The following NR3C2 variants were observed in gnomAD, a reference collection of about 807,000 sequenced individuals.
NR3C2 encodes the protein nuclear receptor subfamily 3 group C member 2, also known as mineralocorticoid receptor.
In NR3C2, 15 loss-of-function variants were observed where a neutral mutation model predicts 86.4. That is an observed-to-expected ratio of 0.17 (90% CI 0.12 to 0.27). NR3C2 has a LOEUF of 0.27. Ranked by LOEUF, NR3C2 falls within the 10% of genes least tolerant of loss-of-function variation. NR3C2 has a pLI of 1.00. For missense variants in NR3C2, 960 were observed against 1,195.6 expected (o/e 0.80, Z 2.91); for synonymous variants, 458 against 450.5 (o/e 1.02, Z -0.21).
rs149999469 is a variant in NR3C2 at position 148,248,531 on chromosome 4, T to C, written c.1897+11447A>G. Among the ~76,000 whole-genome samples the C allele has an allele frequency of 5.9e-5, 9 of 152,128 alleles. No homozygotes were observed. The East Asian group carries it at 1.7e-3, about 29-fold the overall frequency. ...TTGTGATCTTCTAAATTGTTTAAGA[T>C]GCAGAAAGAGCGTGAAAACTATCTT... On this transcript the variant is annotated intron_variant, in intron 3 of 8. Transcript: ENST00000358102.
chr4:148,251,300 A>G (rs975771935), intron 3 of NR3C2, among the ~76,000 whole-genome samples: 2 of 152,116 alleles, frequency 1.3e-5, no homozygotes, highest in Non-Finnish European at 2.9e-5. Flanking sequence ...CCTCCTCTCC[A>G]TGACAACCTA....
intron 6 of NR3C2, among the ~76,000 whole-genome samples, chr4:148,122,938 G>A (rs1254774387): frequency 1.3e-5 from 2 of 152,122 alleles, no homozygotes; most frequent in African/African-American, 4.8e-5. Flanking sequence ...GGGAACAAGG[G>A]AAGACAACCA....
At chr4:148,088,250 C>G (rs1365735256) in intron 8 of NR3C2, among the ~76,000 whole-genome samples, 1 of 152,198 alleles carries the variant, frequency 6.6e-6, no homozygotes, top group African/African-American at 2.4e-5. Context: ...AATAAGAACA[C>G]TTTTATACTG....
intron 2 of NR3C2, among the ~76,000 whole-genome samples, chr4:148,391,056 T>C (rs898864657): frequency 6.6e-6 from 1 of 152,214 alleles, no homozygotes; most frequent in Non-Finnish European, 1.5e-5. Context: ...TATATACCAT[T>C]ATATTTTCTA....
At chr4:148,163,327 A>C (rs1024725871) in intron 4 of NR3C2, among the ~76,000 whole-genome samples, 1 of 152,226 alleles carries the variant, frequency 6.6e-6, no homozygotes, top group African/African-American at 2.4e-5. Context: ...GTGGCCCTAC[A>C]ATGCAAGTAA....
intron 3 of NR3C2, among the ~76,000 whole-genome samples, chr4:148,235,076 G>A (rs1237134057): frequency 6.6e-6 from 1 of 152,068 alleles, no homozygotes; most frequent in Non-Finnish European, 1.5e-5. Context: ...CCTGGTTACA[G>A]GAGGGTCCTC....
At chr4:148,262,999 G>C (rs1232019139) in intron 2 of NR3C2, among the ~76,000 whole-genome samples, 1 of 152,138 alleles carries the variant, frequency 6.6e-6, no homozygotes, top group Non-Finnish European at 1.5e-5. Context: ...CTTCCTAGCT[G>C]ATCTTCTGGT....
At chr4:148,330,909 T>C (rs965689401) in intron 2 of NR3C2, among the ~76,000 whole-genome samples, 2 of 152,190 alleles carry the variant, frequency 1.3e-5, no homozygotes, top group African/African-American at 4.8e-5. Context: ...GCTCTTGCCA[T>C]GTGACTCACC....
At chr4:148,242,041 G>A (rs928020998) in intron 3 of NR3C2, among the ~76,000 whole-genome samples, 17 of 152,242 alleles carry the variant, frequency 1.1e-4, no homozygotes, top group African/African-American at 4.1e-4. Context: ...AGGGGCTGGG[G>A]GGAAGAGGAA....
intron 2 of NR3C2, among the ~76,000 whole-genome samples, chr4:148,329,019 A>T (rs1164800280): frequency 1.3e-5 from 2 of 152,208 alleles, no homozygotes; most frequent in Admixed American, 1.3e-4. Context: ...TATTTTAAAA[A>T]CTAGAAAATA....
chr4:148,387,810 C>T (rs552387266), intron 2 of NR3C2, among the ~76,000 whole-genome samples: 46 of 152,176 alleles, frequency 3.0e-4, no homozygotes, highest in African/African-American at 1.1e-3. Context: ...TGTTGTTTTC[C>T]CAGAAGGATA....
intron 2 of NR3C2, among the ~76,000 whole-genome samples, chr4:148,349,635 G>A (rs1468042326): frequency 5.2e-5 from 1 of 19,332 alleles, no homozygotes. Context: ...AGGTTCTGGT[G>A]GTGGCTTGGG....
At chr4:148,089,086 A>G (rs1325710993) in intron 8 of NR3C2, among the ~76,000 whole-genome samples, 1 of 152,232 alleles carries the variant, frequency 6.6e-6, no homozygotes, top group Non-Finnish European at 1.5e-5. Context: ...GATTTTAAAA[A>G]ACACCCCATT....
Position 148,101,034 on chromosome 4 carries a change from G to A in NR3C2, c.2799+13070C>T, listed in dbSNP as rs569459086. Among the ~76,000 whole-genome samples, 10 of 152,318 alleles carry A rather than the reference G, an allele frequency of 6.6e-5. No individual in the cohort carries two copies. The South Asian group carries it at 1.7e-3, about 25-fold the overall frequency. Reference sequence around the variant, plus strand: ...GTCAAATTCATAGAGACAGAAAGAGGGGAAGGGGGAGTTTTAGTTTTGCAG... The same window carrying A: ...GTCAAATTCATAGAGACAGAAAGAGAGGAAGGGGGAGTTTTAGTTTTGCAG... On this transcript the variant is annotated intron_variant, in intron 8 of 8. Coordinates refer to ENST00000358102, the MANE Select transcript of NR3C2 (RefSeq NM_000901.5).
intron 2 of NR3C2, among the ~76,000 whole-genome samples, chr4:148,288,410 C>T (rs1327994053): frequency 6.6e-6 from 1 of 152,204 alleles, no homozygotes; most frequent in Non-Finnish European, 1.5e-5. Context: ...GTTCTAGGCA[C>T]CAGGGTGGAA....
At chr4:148,286,543 C>T (rs1418825486) in intron 2 of NR3C2, among the ~76,000 whole-genome samples, 1 of 152,180 alleles carries the variant, frequency 6.6e-6, no homozygotes, top group Non-Finnish European at 1.5e-5. Context: ...CCTCAACAGT[C>T]ATTCTTGGCT....
chr4:148,435,236 T>G lies in NR3C2; in HGVS notation c.1625A>C (p.Gln542Pro), dbSNP rs769506516. ...AAAGGAACTCAGGTGTTGGAAAGAT[T>G]GGTCTCTAGCCGATCGTGATAAAGA... ...TISLSRSARD[Q>P]SFQHLSSFPP... The change falls in exon 2 of 9, where the codon CAA (glutamine) becomes CCA (proline). Residue 542 changes from glutamine (Q) to proline (P), a missense_variant. Gln to Pro is a moderately conservative substitution (Grantham distance 76, BLOSUM62 -1). Coordinates refer to ENST00000358102, the MANE Select transcript of NR3C2 (RefSeq NM_000901.5). The G allele has an allele frequency of 3.7e-6, 6 of 1,614,086 alleles. No individual in the cohort carries two copies. The highest frequency in any genetic ancestry group is 5.1e-6 in the Non-Finnish European group (6 of 1,180,048).
intron 3 of NR3C2, among the ~76,000 whole-genome samples, chr4:148,224,358 C>T (rs929542896): frequency 6.6e-6 from 1 of 152,184 alleles, no homozygotes; most frequent in African/African-American, 2.4e-5. Flanking sequence ...CATGATATGA[C>T]ATTCAAAGCA....
At chr4:148,416,300 A>G (rs1017351668) in intron 2 of NR3C2, among the ~76,000 whole-genome samples, 1 of 152,214 alleles carries the variant, frequency 6.6e-6, no homozygotes, top group African/African-American at 2.4e-5. Context: ...TATAAAGACA[A>G]TGATAATAAT....
Sources: allele counts gnomAD v4.1 joint callset (sites outside exome capture counted in the v4.1 genomes callset), GRCh38; gene constraint gnomAD v4.1.1; transcripts MANE v1.5; gene names NCBI Gene and HGNC (gene_info 2026-07-23, HGNC 2026-07-21).